CHLSN: variants seen among roughly 807,000 people sequenced by gnomAD.
CHLSN encodes the protein protein cholesin.
At chr7:1,136,280 A>G in the CHLSN span, among the ~76,000 whole-genome samples, 1 of 112,728 alleles carries the variant, frequency 8.9e-6, no homozygotes, top group Non-Finnish European at 1.6e-5. Flanking sequence ...TATATAAAAT[A>G]TATATAAATA....
the CHLSN span, among the ~76,000 whole-genome samples, chr7:1,029,652 G>A: frequency 1.3e-5 from 2 of 152,248 alleles, no homozygotes; most frequent in Admixed American, 1.3e-4. Flanking sequence ...CCAGGGCGAG[G>A]AGAGGCTTAG....
At chr7:986,027 G>A in the CHLSN span, among the ~76,000 whole-genome samples, 1 of 152,194 alleles carries the variant, frequency 6.6e-6, no homozygotes, top group Non-Finnish European at 1.5e-5. Context: ...CCACCTGGAA[G>A]ATGGAGGCTG....
the CHLSN span, among the ~76,000 whole-genome samples, chr7:1,014,808 G>A: frequency 2.7e-5 from 4 of 149,098 alleles, no homozygotes; most frequent in Admixed American, 6.7e-5. Flanking sequence ...GCAGCGATCC[G>A]GCCACGGCAG....
the CHLSN span, among the ~76,000 whole-genome samples, chr7:1,094,530 C>T: frequency 1.3e-5 from 2 of 152,292 alleles, no homozygotes; most frequent in Admixed American, 6.5e-5. Context: ...AGGGGGTGAA[C>T]GGGTGCGGCA....
chr7:1,037,109 T>A, the CHLSN span, among the ~76,000 whole-genome samples: 2 of 147,256 alleles, frequency 1.4e-5, no homozygotes, highest in African/African-American at 4.9e-5. Flanking sequence ...AGACCCTGTC[T>A]CAAAAAAAAA....
the CHLSN span, among the ~76,000 whole-genome samples, chr7:1,115,420 C>T: frequency 7.2e-5 from 11 of 152,368 alleles, no homozygotes; most frequent in African/African-American, 2.4e-4. Flanking sequence ...AATCAGGAGG[C>T]GCTCCCCATC....
the CHLSN span, chr7:1,081,834 A>G: frequency 6.8e-6 from 1 of 146,778 alleles, no homozygotes; most frequent in Non-Finnish European, 1.5e-5. Flanking sequence ...TGTCCACGAT[A>G]AAAGCCCAGT....
At chr7:1,107,911 A>G in the CHLSN span, among the ~76,000 whole-genome samples, 100 of 133,040 alleles carry the variant, frequency 7.5e-4, no homozygotes, top group African/African-American at 1.0e-3. Context: ...GAAGCAGAGG[A>G]GGGCTGTGTC....
the CHLSN span, among the ~76,000 whole-genome samples, chr7:1,036,271 G>A: frequency 6.6e-6 from 1 of 152,160 alleles, no homozygotes; most frequent in Non-Finnish European, 1.5e-5. Context: ...TCGGGCGGTT[G>A]TGCTGTGGCC....
the CHLSN span, among the ~76,000 whole-genome samples, chr7:1,125,748 T>C: frequency 1.3e-5 from 2 of 152,182 alleles, no homozygotes; most frequent in Non-Finnish European, 2.9e-5. Context: ...GATCCACAGG[T>C]GAGTGTGCCA....
the CHLSN span, among the ~76,000 whole-genome samples, chr7:1,136,149 AATAT>A: frequency 1.1e-5 from 1 of 91,992 alleles, no homozygotes; most frequent in Non-Finnish European, 2.0e-5. Flanking sequence ...TAAATATATA[AATAT>A]ATATACATAA....
At chr7:1,083,488 C>T in the CHLSN span, among the ~76,000 whole-genome samples, 1 of 151,978 alleles carries the variant, frequency 6.6e-6, no homozygotes, top group South Asian at 2.1e-4. Flanking sequence ...ATTAGCCGGG[C>T]CTGGTGGCAG....
the CHLSN span, among the ~76,000 whole-genome samples, chr7:1,085,061 T>G: frequency 0.036 from 5,532 of 152,224 alleles, 327 homozygotes; most frequent in African/African-American, 0.12. Context: ...GACTGAAGGG[T>G]CAAAGGCGAG....
At chr7:1,031,927 G>A in the CHLSN span, among the ~76,000 whole-genome samples, 1 of 152,128 alleles carries the variant, frequency 6.6e-6, no homozygotes, top group Non-Finnish European at 1.5e-5. Context: ...AGAGTGCGGG[G>A]TGGCTGCGAG....
the CHLSN span, among the ~76,000 whole-genome samples, chr7:1,072,367 C>A: frequency 6.6e-6 from 1 of 152,262 alleles, no homozygotes; most frequent in Non-Finnish European, 1.5e-5. Context: ...CGCAGTGGGG[C>A]AGACACCGGT....
At chr7:1,018,309 GTCTT>G in the CHLSN span, among the ~76,000 whole-genome samples, 1 of 152,174 alleles carries the variant, frequency 6.6e-6, no homozygotes, top group East Asian at 1.9e-4. Flanking sequence ...ACGAAAGCAC[GTCTT>G]TCTTCTCACT....
At chr7:995,549 G>A in the CHLSN span, among the ~76,000 whole-genome samples, 1 of 152,218 alleles carries the variant, frequency 6.6e-6, no homozygotes, top group Non-Finnish European at 1.5e-5. Flanking sequence ...CCCCTTCTTT[G>A]CACTTTGCGG....
chr7:1,136,417 T>A, the CHLSN span, among the ~76,000 whole-genome samples: 3 of 114,950 alleles, frequency 2.6e-5, no homozygotes, highest in South Asian at 2.4e-4. Flanking sequence ...TAAACATATA[T>A]ATAAATATAT....
chr7:1,100,891 G>A, the CHLSN span, among the ~76,000 whole-genome samples: 3 of 152,256 alleles, frequency 2.0e-5, no homozygotes, highest in Non-Finnish European at 2.9e-5. Context: ...GGGAACGGCT[G>A]AGGGGCAGAG....
Sources: gnomAD v4.1 joint callset for allele counts (sites outside exome capture counted in the v4.1 genomes callset) on GRCh38, gnomAD v4.1.1 for gene constraint, MANE v1.5 for transcripts, NCBI Gene and HGNC (gene_info 2026-07-23, HGNC 2026-07-21) for gene names.